The following PHF20 variants were observed in gnomAD, a reference collection of about 807,000 sequenced individuals.
The protein encoded by PHF20 is glioma-expressed antigen 2.
Under a neutral mutation model 113.5 loss-of-function variants are expected in PHF20, and 23 were observed. The observed-to-expected ratio is 0.20, with a 90% CI of 0.15 to 0.29. The LOEUF is 0.29. Ranked by LOEUF, PHF20 falls within the 10% of genes least tolerant of loss-of-function variation. The probability of loss-of-function intolerance (pLI) is 1.00; values close to 1 mark genes in which losing one functional copy is unlikely to be tolerated. For missense variants in PHF20, 943 were observed against 1,219.6 expected (o/e 0.77, Z 3.38); for synonymous variants, 434 against 457.3 (o/e 0.95, Z 0.65).
intron 10 of PHF20, among the ~76,000 whole-genome samples, chr20:35,908,328 C>T (rs1292519551): frequency 6.6e-6 from 1 of 152,232 alleles, no homozygotes; most frequent in Non-Finnish European, 1.5e-5. Flanking sequence ...TTTCTAGGGC[C>T]TGCAAGTTCT....
At chr20:35,832,484 A>G (rs923917699) in intron 2 of PHF20, among the ~76,000 whole-genome samples, 2 of 152,288 alleles carry the variant, frequency 1.3e-5, no homozygotes, top group African/African-American at 4.8e-5. Flanking sequence ...ATAATGACAG[A>G]TTAGGGTAAA....
At chr20:35,877,825 G>A (rs753515170) in intron 9 of PHF20, among the ~76,000 whole-genome samples, 1 of 152,158 alleles carries the variant, frequency 6.6e-6, no homozygotes, top group Non-Finnish European at 1.5e-5. Context: ...CCTGGTAGAA[G>A]TGGGACACTT....
At chr20:35,889,393 A>G (rs1354807218) in intron 9 of PHF20, among the ~76,000 whole-genome samples, 2 of 146,676 alleles carry the variant, frequency 1.4e-5, no homozygotes, top group African/African-American at 2.5e-5. Context: ...ACAGAGTCTC[A>G]CTCTGTCACC....
intron 2 of PHF20, among the ~76,000 whole-genome samples, chr20:35,833,698 C>T (rs2042391284): frequency 1.3e-5 from 2 of 152,014 alleles, no homozygotes; most frequent in Non-Finnish European, 2.9e-5. Flanking sequence ...TTTCCCAACC[C>T]TCTAGTTAGA....
At chr20:35,861,592 T>C (rs1335571828) in intron 5 of PHF20, among the ~76,000 whole-genome samples, 1 of 152,220 alleles carries the variant, frequency 6.6e-6, no homozygotes, top group African/African-American at 2.4e-5. Context: ...TAAATCCAGG[T>C]ACACAAGTCT....
chr20:35,939,158 A>G, intron 16 of PHF20, 50 bp downstream of exon 16: 1 of 1,487,984 alleles, frequency 6.7e-7, no homozygotes, highest in Non-Finnish European at 9.1e-7. Flanking sequence ...GAATGCTTGC[A>G]AGTTATCCTC....
intron 2 of PHF20, among the ~76,000 whole-genome samples, chr20:35,841,930 T>C (rs1469930523): frequency 1.3e-5 from 2 of 152,230 alleles, no homozygotes; most frequent in African/African-American, 4.8e-5. Context: ...CTTAATGTTT[T>C]CTTCCTGCCT....
intron 2 of PHF20, among the ~76,000 whole-genome samples, chr20:35,821,909 T>C (rs1025514241): frequency 6.6e-6 from 1 of 152,156 alleles, no homozygotes; most frequent in African/African-American, 2.4e-5. Flanking sequence ...GCTTTTTCTC[T>C]CGGTACCAGT....
chr20:35,850,837 G>A, intron 4 of PHF20: 1 of 1,157,188 alleles, frequency 8.6e-7, no homozygotes, highest in Non-Finnish European at 1.3e-6. Context: ...GTATGTTTCT[G>A]GTGGCTCTGC....
intron 9 of PHF20, among the ~76,000 whole-genome samples, chr20:35,875,462 G>C (rs375345257): frequency 6.6e-6 from 1 of 152,056 alleles, no homozygotes; most frequent in Admixed American, 6.6e-5. Flanking sequence ...CTCGGCGGCT[G>C]TTCTCTTAGT....
intron 5 of PHF20, 32 bp from the exon 6 acceptor site, chr20:35,862,981 G>A (rs369378766): frequency 7.0e-5 from 107 of 1,526,806 alleles, no homozygotes; most frequent in Non-Finnish European, 9.1e-5. Flanking sequence ...AAGTAATCAC[G>A]AAGTGTTTCA....
rs1270976664 is a variant in PHF20, at chr20:35,949,242, G to C, written c.*1615G>C. On this transcript the variant is annotated 3_prime_UTR_variant, in exon 18 of 18. Coordinates refer to ENST00000374012, the MANE Select transcript of PHF20 (RefSeq NM_016436.5). ...GCTAACGTTGGTGTTTCTGGCGTGG[G>C]AAGAAATGCACAGGCGTGCATGGCA... 2 of 152,442 alleles carry C rather than the reference G, an allele frequency of 1.3e-5. No homozygotes were observed. Among genetic ancestry groups the C allele is most frequent in the Admixed American group, 1.3e-4 (2 of 15,288 alleles). 9.4% of individuals were successfully genotyped at this position (152,442 alleles called of 1,614,324 possible). A position where few individuals can be genotyped will look rare whatever the true frequency, so the allele number is the denominator to read the frequency against.
At chr20:35,785,166 C>T (rs1484153269) in intron 1 of PHF20, among the ~76,000 whole-genome samples, 2 of 151,914 alleles carry the variant, frequency 1.3e-5, no homozygotes, top group African/African-American at 4.8e-5. Context: ...TATACTCCTT[C>T]GTAAAATACT....
At chr20:35,857,966 T>C (rs2042869593) in intron 4 of PHF20, among the ~76,000 whole-genome samples, 2 of 152,202 alleles carry the variant, frequency 1.3e-5, no homozygotes, top group Admixed American at 1.3e-4. Context: ...AAGGAATAAA[T>C]AAGTCTGCAT....
At position 35,869,526 on chromosome 20, in the gene PHF20, A is replaced by T; in HGVS notation, c.897A>T (p.Lys299Asn). 6.2e-7 allele frequency: 1 copy of T among 1,605,512 alleles called. No homozygotes were observed. The highest frequency in any genetic ancestry group is 8.5e-7 in the Non-Finnish European group (1 of 1,173,400). Residue 299 changes from lysine to asparagine, a missense_variant, in exon 7 of 18, where the codon AAA (lysine) becomes AAT (asparagine). Physicochemically the swap from Lys to Asn is moderately conservative, Grantham distance 94. Transcript: ENST00000374012. ...CAAAAGGATGTGAAGTCCCATTAAAACGTCCTCGGCTTGACAAAAATTCAT... is the reference window on the plus strand; with the variant it reads ...CAAAAGGATGTGAAGTCCCATTAAATCGTCCTCGGCTTGACAAAAATTCAT... ...KISKGCEVPL[K>N]RPRLDKNSSQ...
chr20:35,910,441 A>G (rs1430506032), intron 10 of PHF20, among the ~76,000 whole-genome samples: 1 of 152,190 alleles, frequency 6.6e-6, no homozygotes, highest in East Asian at 1.9e-4. Flanking sequence ...CACATATTTA[A>G]ATGGTATAAT....
Position 35,870,188 on chromosome 20 carries a change from C to CA in PHF20, c.922+638dup, listed in dbSNP as rs2054393592. On this transcript the variant is annotated intron_variant, in intron 7 of 17. Transcript: ENST00000374012. Reference sequence around the variant, plus strand: ...GTGTTGTGGCAGGCACCTGTAGTCCCAGCTATTCAGGAGGCTGAGGCAGAA... The same window carrying CA: ...GTGTTGTGGCAGGCACCTGTAGTCCCAAGCTATTCAGGAGGCTGAGGCAGAA... 2.0e-5 allele frequency among the ~76,000 whole-genome samples: 3 copies of CA among 151,492 alleles called. No individual in the cohort carries two copies. The Admixed American group carries it at 2.0e-4, about 10-fold the overall frequency.
chr20:35,882,852 C>T (rs2054659267), intron 9 of PHF20, among the ~76,000 whole-genome samples: 1 of 152,004 alleles, frequency 6.6e-6, no homozygotes, highest in Non-Finnish European at 1.5e-5. Flanking sequence ...CATGGCAAAA[C>T]CCTGTTTCTA....
At chr20:35,814,423 G>T (rs1415070359) in intron 2 of PHF20, among the ~76,000 whole-genome samples, 2 of 151,418 alleles carry the variant, frequency 1.3e-5, no homozygotes, top group Non-Finnish European at 2.9e-5. Context: ...CACCCTCTTG[G>T]CCAGGCTGGT....
Sources: allele counts gnomAD v4.1 joint callset (sites outside exome capture counted in the v4.1 genomes callset), GRCh38; gene constraint gnomAD v4.1.1; transcripts MANE v1.5; gene names NCBI Gene and HGNC (gene_info 2026-07-23, HGNC 2026-07-21).